Variants in NARS2 observed in about 807,000 individuals in gnomAD.
NARS2 encodes the protein asparaginyl-tRNA synthetase 2, mitochondrial.
A neutral mutation model predicts 62.9 loss-of-function variants in NARS2; 60 were observed. The observed-to-expected ratio is 0.95, with a 90% confidence interval of 0.77 to 1.18. NARS2 has a LOEUF of 1.18. Among genes scored for constraint, NARS2 ranks in the 50% most tolerant of loss-of-function variants. NARS2 has a pLI of 0.00. For missense variants in NARS2, 619 were observed against 576.4 expected (o/e 1.07, Z -0.76); for synonymous variants, 196 against 200.0 (o/e 0.98, Z 0.17).
intron 9 of NARS2, among the ~76,000 whole-genome samples, chr11:78,469,809 GATAA>G (rs1047961587): frequency 3.3e-5 from 5 of 151,974 alleles, no homozygotes; most frequent in East Asian, 1.9e-4. Flanking sequence ...AGAGTAGACA[GATAA>G]ATAAACAAGT....
chr11:78,473,213 A>G (rs1858948305), intron 9 of NARS2, among the ~76,000 whole-genome samples: 1 of 152,216 alleles, frequency 6.6e-6, no homozygotes. Context: ...TCTTCCTTTC[A>G]AACAACAAAA....
At chr11:78,439,001 A>C (rs1450452474) in intron 13 of NARS2, among the ~76,000 whole-genome samples, 6 of 150,934 alleles carry the variant, frequency 4.0e-5, no homozygotes, top group Admixed American at 4.0e-4. Context: ...TTTGAGATGG[A>C]GTCTCACTCT....
At chr11:78,534,006 A>C (rs1861575608) in intron 5 of NARS2, among the ~76,000 whole-genome samples, 1 of 152,036 alleles carries the variant, frequency 6.6e-6, no homozygotes, top group South Asian at 2.1e-4. Flanking sequence ...GCTGAATAAT[A>C]TTTTACTGTC....
chr11:78,539,443 G>A (rs554529084), intron 5 of NARS2, among the ~76,000 whole-genome samples: 13 of 152,166 alleles, frequency 8.5e-5, no homozygotes, highest in Non-Finnish European at 1.6e-4. Flanking sequence ...GATAAAAAAA[G>A]AAGAGGAAAA....
intron 1 of NARS2, among the ~76,000 whole-genome samples, chr11:78,572,354 C>T (rs982178603): frequency 1.3e-5 from 2 of 152,130 alleles, no homozygotes; most frequent in Non-Finnish European, 2.9e-5. Flanking sequence ...CATTTTAGAG[C>T]TGATGAAACA....
intron 9 of NARS2, among the ~76,000 whole-genome samples, chr11:78,477,903 A>G (rs56307740): frequency 0.081 from 12,363 of 152,126 alleles, 680 homozygotes; most frequent in Admixed American, 0.13. Flanking sequence ...TCTTTAGAAT[A>G]ATCTCTCAAT....
intron 5 of NARS2, among the ~76,000 whole-genome samples, chr11:78,538,771 G>A (rs902393045): frequency 9.2e-5 from 14 of 151,508 alleles, no homozygotes; most frequent in Non-Finnish European, 1.8e-4. Flanking sequence ...CGAGGCGGGC[G>A]GATCACGAGG....
At chr11:78,504,548 T>TA (rs886825629) in intron 6 of NARS2, among the ~76,000 whole-genome samples, 1 of 152,106 alleles carries the variant, frequency 6.6e-6, no homozygotes, top group Non-Finnish European at 1.5e-5. Flanking sequence ...TGACTAAGCT[T>TA]ATTTGTTATC....
chr11:78,519,147 C>T (rs1380636228), intron 6 of NARS2, among the ~76,000 whole-genome samples: 1 of 152,150 alleles, frequency 6.6e-6, no homozygotes, highest in Non-Finnish European at 1.5e-5. Context: ...AAAGCTTTAA[C>T]TCAGATTCAC....
chr11:78,484,934 CAT>C (rs1484709600), intron 7 of NARS2, among the ~76,000 whole-genome samples: 1 of 152,164 alleles, frequency 6.6e-6, no homozygotes, highest in African/African-American at 2.4e-5. Flanking sequence ...CACATGCACA[CAT>C]GTTTATTGCA....
At chr11:78,450,450 C>T (rs995552525) in intron 11 of NARS2, among the ~76,000 whole-genome samples, 1 of 152,070 alleles carries the variant, frequency 6.6e-6, no homozygotes, top group Admixed American at 6.6e-5. Context: ...TCTTTCTTTG[C>T]CTACATGGTC....
chr11:78,548,560 ACT>A (rs1341593806), intron 5 of NARS2, among the ~76,000 whole-genome samples: 4 of 152,214 alleles, frequency 2.6e-5, no homozygotes, highest in Non-Finnish European at 5.9e-5. Flanking sequence ...GCTTCTGCAC[ACT>A]GTTTTACCTA....
At chr11:78,469,096 T>G (rs747575872) in intron 10 of NARS2, 151 bp downstream of exon 10, 12 of 530,896 alleles carry the variant, frequency 2.3e-5, no homozygotes, top group Non-Finnish European at 4.0e-5. Context: ...TCAGCAAACA[T>G]CAAAATCTTA....
At chr11:78,510,428 GT>G (rs1726203311) in intron 6 of NARS2, among the ~76,000 whole-genome samples, 1 of 152,058 alleles carries the variant, frequency 6.6e-6, no homozygotes, top group South Asian at 2.1e-4. Context: ...AGACACAACA[GT>G]TATAAATACT....
In NARS2 at chr11:78,436,569, G is replaced by T; in HGVS notation, c.*101C>A. ...TCTTATGGCACAACAATTACATATT[G>T]AAATCTGCATTTCTAAAATCCAAAC... On this transcript the variant is annotated 3_prime_UTR_variant, in exon 14 of 14. Transcript: ENST00000281038. 7.9e-7 allele frequency: 1 copy of T among 1,270,850 alleles called. No homozygotes were observed. 78.7% of individuals were successfully genotyped at this position (1,270,850 alleles called of 1,614,324 possible).
intron 11 of NARS2, among the ~76,000 whole-genome samples, chr11:78,447,601 G>A (rs574521104): frequency 2.0e-5 from 3 of 152,132 alleles, no homozygotes; most frequent in Middle Eastern, 3.4e-3. Context: ...AACAACCTAC[G>A]TGCCCATCAA....
In NARS2 at chr11:78,523,205, C is replaced by T. The variant is rs545865151; in HGVS notation, c.689+5637G>A. On this transcript the variant is annotated intron_variant, in intron 6 of 13. Transcript: ENST00000281038. The stretch of plus-strand genomic sequence containing the variant: ...GACGCTCCACACCTTTTCATGTGCT[C>T]ATTGACTTTAATGATGAAAACCCAT... Among the ~76,000 whole-genome samples the T allele has an allele frequency of 2.0e-5, 3 of 152,218 alleles. No individual in the cohort carries two copies. In the East Asian group the frequency reaches 5.8e-4, roughly 29 times the overall value.
intron 7 of NARS2, among the ~76,000 whole-genome samples, chr11:78,491,382 G>A (rs1022418867): frequency 3.1e-5 from 2 of 64,544 alleles, no homozygotes; most frequent in African/African-American, 9.5e-5. Flanking sequence ...ATGCTATATT[G>A]TGTGGCCGAA....
At chr11:78,559,426 A>G (rs1856482359) in intron 5 of NARS2, 113 bp downstream of exon 5, 1 of 705,806 alleles carries the variant, frequency 1.4e-6, no homozygotes, top group Admixed American at 2.3e-5. Flanking sequence ...TTTATTGACA[A>G]TTTCAGGTGC....
Sources: gnomAD v4.1 joint callset for allele counts (sites outside exome capture counted in the v4.1 genomes callset) on GRCh38, gnomAD v4.1.1 for gene constraint, MANE v1.5 for transcripts, NCBI Gene and HGNC (gene_info 2026-07-23, HGNC 2026-07-21) for gene names.